RNLS: variants seen among roughly 807,000 people sequenced by gnomAD.
The protein encoded by RNLS is renalase, FAD dependent amine oxidase.
In RNLS, 39 loss-of-function variants were observed where a neutral mutation model predicts 39.8. That is an observed-to-expected ratio of 0.98 (90% CI 0.76 to 1.28). RNLS has a LOEUF of 1.28. Ranked by LOEUF, RNLS falls within the 50% of genes most tolerant of loss-of-function variation. The probability of loss-of-function intolerance (pLI) is 0.00; values close to 1 mark genes in which losing one functional copy is unlikely to be tolerated. For missense variants in RNLS, 410 were observed against 413.3 expected, an observed-to-expected ratio of 0.99 and a Z score of 0.07; for synonymous variants, 147 against 150.7, an observed-to-expected ratio of 0.98 and a Z score of 0.18.
At chr10:88,377,940 T>C (rs953452510) in intron 4 of RNLS, among the ~76,000 whole-genome samples, 1 of 152,166 alleles carries the variant, frequency 6.6e-6, no homozygotes, top group East Asian at 1.9e-4. Flanking sequence ...AAATATTTTC[T>C]TTATATCCTT....
intron 4 of RNLS, among the ~76,000 whole-genome samples, chr10:88,441,975 T>C (rs557431018): frequency 7.9e-4 from 121 of 152,322 alleles, no homozygotes; most frequent in Middle Eastern, 3.4e-3. Flanking sequence ...GCCGGGTTAC[T>C]ATCCCCTATG....
At chr10:88,516,395 CT>C (rs1846408488) in intron 4 of RNLS, among the ~76,000 whole-genome samples, 1 of 151,934 alleles carries the variant, frequency 6.6e-6, no homozygotes, top group Non-Finnish European at 1.5e-5. Flanking sequence ...AACCTTTGTT[CT>C]TTAGATTATA....
intron 5 of RNLS, among the ~76,000 whole-genome samples, chr10:88,356,682 G>A (rs1389653744): frequency 3.3e-5 from 5 of 152,204 alleles, no homozygotes; most frequent in African/African-American, 1.2e-4. Flanking sequence ...TACATTCTAA[G>A]TTTGTTCATT....
At chr10:88,336,145 C>A (rs766194102) in intron 5 of RNLS, among the ~76,000 whole-genome samples, 1 of 152,190 alleles carries the variant, frequency 6.6e-6, no homozygotes, top group Non-Finnish European at 1.5e-5. Flanking sequence ...GCAATTACAG[C>A]TCTAGTTCCA....
chr10:88,399,280 C>G (rs1054626888), intron 4 of RNLS, among the ~76,000 whole-genome samples: 1 of 151,900 alleles, frequency 6.6e-6, no homozygotes. Context: ...TAGGTGTATA[C>G]CGAAGACAAC....
the RNLS span, among the ~76,000 whole-genome samples, chr10:88,245,541 T>A: frequency 1.3e-5 from 2 of 152,224 alleles, no homozygotes; most frequent in African/African-American, 4.8e-5. Context: ...AGTTAAAGTA[T>A]CATCTGCAAT....
intron 5 of RNLS, among the ~76,000 whole-genome samples, chr10:88,320,679 A>G (rs1013607392): frequency 1.3e-5 from 2 of 149,936 alleles, no homozygotes; most frequent in African/African-American, 4.9e-5. Context: ...TTTAAAACAA[A>G]CACATTAAAA....
At chr10:88,574,474 C>G (rs1377944123) in intron 3 of RNLS, among the ~76,000 whole-genome samples, 1 of 152,166 alleles carries the variant, frequency 6.6e-6, no homozygotes, top group African/African-American at 2.4e-5. Context: ...GCCTTTAGTA[C>G]TAATTTTGAC....
chr10:88,455,654 C>T (rs1381292810), intron 4 of RNLS, among the ~76,000 whole-genome samples: 1 of 152,126 alleles, frequency 6.6e-6, no homozygotes, highest in Non-Finnish European at 1.5e-5. Context: ...GATCCGCCTG[C>T]CTCGACCTCC....
At chr10:88,348,268 A>G (rs1332828107) in intron 5 of RNLS, among the ~76,000 whole-genome samples, 2 of 152,162 alleles carry the variant, frequency 1.3e-5, no homozygotes, top group African/African-American at 4.8e-5. Context: ...ACATTTATTC[A>G]TCATGAACAG....
At chr10:88,414,964 G>T (rs893321308) in intron 4 of RNLS, among the ~76,000 whole-genome samples, 1 of 152,082 alleles carries the variant, frequency 6.6e-6, no homozygotes, top group Non-Finnish European at 1.5e-5. Context: ...AGACTGAAAA[G>T]GTGCCCCAAA....
chr10:88,329,158 C>T (rs1846886927), intron 5 of RNLS, among the ~76,000 whole-genome samples: 1 of 151,428 alleles, frequency 6.6e-6, no homozygotes, highest in Non-Finnish European at 1.5e-5. Flanking sequence ...GCCTTGAACT[C>T]TCAGACTCAA....
chr10:88,182,547 T>C, the RNLS span, among the ~76,000 whole-genome samples: 1 of 152,108 alleles, frequency 6.6e-6, no homozygotes, highest in African/African-American at 2.4e-5. Flanking sequence ...TTTACAAAAA[T>C]ACCCATTCCA....
At chr10:88,384,362 C>T (rs997520181) in intron 4 of RNLS, among the ~76,000 whole-genome samples, 1 of 152,180 alleles carries the variant, frequency 6.6e-6, no homozygotes, top group African/African-American at 2.4e-5. Context: ...AGATGGTTAA[C>T]AATGATATAG....
At chr10:88,417,558 A>G (rs1232222693) in intron 4 of RNLS, among the ~76,000 whole-genome samples, 1 of 152,216 alleles carries the variant, frequency 6.6e-6, no homozygotes. Context: ...ATAATACAGC[A>G]TGTTTCCCAA....
downstream of RNLS, chr10:88,284,042 G>C (rs1308088595): frequency 1.6e-6 from 1 of 635,162 alleles, no homozygotes; most frequent in Non-Finnish European, 2.0e-6. Flanking sequence ...TCATTTTATA[G>C]AGACTACAAA....
intron 4 of RNLS, among the ~76,000 whole-genome samples, chr10:88,468,076 T>C (rs2133964888): frequency 6.6e-6 from 1 of 152,290 alleles, no homozygotes; most frequent in East Asian, 1.9e-4. Flanking sequence ...TTGATCCGAT[T>C]AGGAGTTGAA....
intron 4 of RNLS, among the ~76,000 whole-genome samples, chr10:88,432,764 G>A (rs1855210429): frequency 6.6e-6 from 1 of 151,962 alleles, no homozygotes; most frequent in South Asian, 2.1e-4. Flanking sequence ...AATTTTTGGA[G>A]GGGCATTCTA....
intron 4 of RNLS, among the ~76,000 whole-genome samples, chr10:88,381,389 T>G (rs533261567): frequency 6.9e-6 from 1 of 145,510 alleles, no homozygotes; most frequent in South Asian, 2.2e-4. Flanking sequence ...TTTTCGTTAT[T>G]CTTGTGGATA....
Sources: allele counts gnomAD v4.1 joint callset (sites outside exome capture counted in the v4.1 genomes callset), GRCh38; gene constraint gnomAD v4.1.1; transcripts MANE v1.5; gene names NCBI Gene and HGNC (gene_info 2026-07-23, HGNC 2026-07-21).